The following SMCHD1 variants were observed in gnomAD, a reference collection of about 807,000 sequenced individuals.
The protein encoded by SMCHD1 is structural maintenance of chromosomes flexible hinge domain-containing protein 1.
Under a neutral mutation model 254.7 loss-of-function variants are expected in SMCHD1, and 78 were observed. The ratio of observed to expected loss-of-function variants is 0.31; its 90% confidence interval spans 0.26 to 0.37. The LOEUF is 0.37. Ranked by LOEUF, SMCHD1 falls within the 10% of genes least tolerant of loss-of-function variation. The pLI is 1.00. For missense variants in SMCHD1, 1,840 were observed against 2,408.1 expected, an observed-to-expected ratio of 0.76 and a Z score of 4.94; for synonymous variants, 766 against 794.9, an observed-to-expected ratio of 0.96 and a Z score of 0.61.
chr18:2,800,597 C>T (rs2076343210), intron 47 of SMCHD1: 1 of 152,174 alleles, frequency 6.6e-6, no homozygotes, highest in Admixed American at 6.5e-5. Flanking sequence ...CGCGGCCTCC[C>T]AAAGTACTGA....
chr18:2,709,232 G>GTA (rs1555635615), intron 17 of SMCHD1, among the ~76,000 whole-genome samples: 3,717 of 79,562 alleles, frequency 0.047, 125 homozygotes, highest in African/African-American at 0.11. Flanking sequence ...GTGTATATGT[G>GTA]TATATATATA....
chr18:2,784,930 A>G (rs2076214562), intron 45 of SMCHD1: 1 of 417,518 alleles, frequency 2.4e-6, no homozygotes, highest in East Asian at 6.7e-5. Flanking sequence ...TGGGCAACGT[A>G]GCAAGACTCC....
intron 19 of SMCHD1, among the ~76,000 whole-genome samples, chr18:2,722,080 A>G (rs1171359392): frequency 6.6e-6 from 1 of 152,194 alleles, no homozygotes; most frequent in Non-Finnish European, 1.5e-5. Flanking sequence ...ATATTTTCTC[A>G]TGTCGAGCTT....
At chr18:2,686,912 T>G (rs1335290654) in intron 5 of SMCHD1, among the ~76,000 whole-genome samples, 2 of 152,120 alleles carry the variant, frequency 1.3e-5, no homozygotes, top group Non-Finnish European at 2.9e-5. Flanking sequence ...TCTTTCTGTT[T>G]CTGTTTCTTC....
chr18:2,779,449 G>A (rs2076119708), intron 44 of SMCHD1, among the ~76,000 whole-genome samples: 1 of 152,174 alleles, frequency 6.6e-6, no homozygotes, highest in African/African-American at 2.4e-5. Flanking sequence ...GAGGATCCAG[G>A]AGGGCAGTAG....
intron 5 of SMCHD1, 94 bp downstream of exon 5, chr18:2,674,239 G>T: frequency 9.9e-7 from 1 of 1,005,768 alleles, no homozygotes; most frequent in African/African-American, 1.6e-5. Flanking sequence ...TGATACATTG[G>T]AGGTTTTACT....
At chr18:2,737,447 G>T (rs1171002420) in intron 25 of SMCHD1, among the ~76,000 whole-genome samples, 3 of 152,166 alleles carry the variant, frequency 2.0e-5, no homozygotes, top group African/African-American at 7.2e-5. Context: ...AAGGCCAGAT[G>T]TGGTGGCTCA....
At chr18:2,782,503 G>A (rs1280866894) in intron 44 of SMCHD1, among the ~76,000 whole-genome samples, 4 of 151,944 alleles carry the variant, frequency 2.6e-5, no homozygotes, top group Non-Finnish European at 5.9e-5. Context: ...ACTTTGAGAG[G>A]CCAAGGCAGG....
At chr18:2,750,623 C>T (rs1317976658) in intron 32 of SMCHD1, 116 bp downstream of exon 32, 1 of 736,698 alleles carries the variant, frequency 1.4e-6, no homozygotes, top group Non-Finnish European at 2.1e-6. Context: ...GACAGGGAAG[C>T]AAATGATTTC....
rs1407428736 is a variant in SMCHD1, at chr18:2,712,673, A to G, written c.2260+4753A>G. On this transcript the variant is annotated intron_variant, in intron 17 of 47. Coordinates refer to ENST00000320876, the MANE Select transcript of SMCHD1 (RefSeq NM_015295.3). ...TGTATATCTTCGTTCTGCCCATTCAAGTCCGAGTCATCATGGTCTCTCATT... is the reference window on the plus strand; with the variant it reads ...TGTATATCTTCGTTCTGCCCATTCAGGTCCGAGTCATCATGGTCTCTCATT... Among the ~76,000 whole-genome samples, 6 of 152,212 alleles carry G rather than the reference A, an allele frequency of 3.9e-5. No individual in the cohort carries two copies. The East Asian group carries it at 1.2e-3, about 29-fold the overall frequency.
chr18:2,748,427 G>A (rs1392397552), intron 30 of SMCHD1, among the ~76,000 whole-genome samples: 1 of 20 alleles, frequency 0.05, no homozygotes, highest in Non-Finnish European at 0.17. Flanking sequence ...GAGTCTCGCT[G>A]CAACGCCCCA....
chr18:2,710,156 C>T (rs1032336160), intron 17 of SMCHD1, among the ~76,000 whole-genome samples: 2 of 152,190 alleles, frequency 1.3e-5, no homozygotes, highest in African/African-American at 4.8e-5. Context: ...AAAGACTATA[C>T]TTTCTCTATT....
intron 5 of SMCHD1, among the ~76,000 whole-genome samples, chr18:2,680,626 C>T (rs963423602): frequency 4.6e-5 from 7 of 152,140 alleles, no homozygotes; most frequent in African/African-American, 1.7e-4. Flanking sequence ...CTTCTCAATT[C>T]TTTCTTGAAC....
At chr18:2,791,262 A>G (rs1277335426) in intron 45 of SMCHD1, among the ~76,000 whole-genome samples, 1 of 152,222 alleles carries the variant, frequency 6.6e-6, no homozygotes, top group African/African-American at 2.4e-5. Context: ...CTTCTCACCA[A>G]GATGGAATAA....
intron 1 of SMCHD1, among the ~76,000 whole-genome samples, chr18:2,662,666 C>CAAA (rs2073321596): frequency 3.4e-5 from 1 of 29,452 alleles, no homozygotes; most frequent in Admixed American, 3.3e-4. Context: ...CAACAAAAAA[C>CAAA]CAAAAAAAAA....
Position 2,795,970 on chromosome 18 carries a change from C to G in SMCHD1, c.5741C>G (p.Ser1914Cys). ...ACAGATCTTCTTCAGCAGTATCGTT[C>G]TGCTGTGTGCAAACTAGACAGTGTG... The part of the protein sequence containing the change: ...EQIDLLQQYR[S>C]AVCKLDSVNK... The change falls in exon 46 of 48, where the codon TCT becomes TGT. Residue 1914 changes from serine (S) to cysteine (C), a missense_variant. By Grantham distance (112) the Ser-to-Cys change is moderately radical (BLOSUM62 -1). This residue lies in a region of SMCHD1 where 132 missense variants were observed against 138.2 expected (regional missense o/e 0.95). Coordinates refer to ENST00000320876, the MANE Select transcript of SMCHD1 (RefSeq NM_015295.3). The G allele has an allele frequency of 6.3e-7, 1 of 1,594,776 alleles. No individual in the cohort carries two copies. The highest frequency in any genetic ancestry group is 1.3e-5 in the African/African-American group (1 of 74,784).
intron 45 of SMCHD1, among the ~76,000 whole-genome samples, chr18:2,795,245 G>C (rs943622047): frequency 1.3e-5 from 2 of 152,094 alleles, no homozygotes; most frequent in African/African-American, 4.8e-5. Flanking sequence ...TTTTATTAGA[G>C]ACGGGGTTTC....
intron 45 of SMCHD1, among the ~76,000 whole-genome samples, chr18:2,788,732 G>A (rs2076276022): frequency 6.6e-6 from 1 of 151,954 alleles, no homozygotes; most frequent in South Asian, 2.1e-4. Flanking sequence ...CCCAAGTGCT[G>A]GGATTACAGG....
At chr18:2,778,013 C>G in intron 43 of SMCHD1, 98 bp downstream of exon 43, 1 of 1,013,130 alleles carries the variant, frequency 9.9e-7, no homozygotes, top group Non-Finnish European at 1.4e-6. Context: ...TCTTATTTTG[C>G]TTATCAGTCA....
Sources: allele counts gnomAD v4.1 joint callset (sites outside exome capture counted in the v4.1 genomes callset), GRCh38; gene constraint gnomAD v4.1.1; regional missense constraint gnomAD v4.1.1; transcripts MANE v1.5; gene names NCBI Gene and HGNC (gene_info 2026-07-23, HGNC 2026-07-21).